TCF12: variants seen among roughly 807,000 people sequenced by gnomAD.
TCF12 encodes DNA-binding protein HTF4.
A neutral mutation model predicts 86.0 loss-of-function variants in TCF12; 45 were observed. The ratio of observed to expected loss-of-function variants is 0.52; its 90% CI spans 0.41 to 0.67. TCF12 has a LOEUF of 0.67. Ranked by LOEUF, TCF12 falls within the 30% of genes least tolerant of loss-of-function variation. The pLI is 0.00. For missense variants in TCF12, 881 were observed against 859.9 expected (o/e 1.02, Z -0.31); for synonymous variants, 330 against 299.6 (o/e 1.10, Z -1.05).
chr15:57,015,835 T>C (rs2065121789), intron 3 of TCF12, among the ~76,000 whole-genome samples: 1 of 152,222 alleles, frequency 6.6e-6, no homozygotes, highest in Non-Finnish European at 1.5e-5. Context: ...GTTCCAACCA[T>C]TGTAAACAAC....
chr15:57,148,378 A>T (rs1298166635), intron 5 of TCF12, among the ~76,000 whole-genome samples: 1 of 149,690 alleles, frequency 6.7e-6, no homozygotes, highest in Admixed American at 6.7e-5. Flanking sequence ...ACACCACTGC[A>T]CTCCAGCCTG....
chr15:57,201,403 C>T (rs994476664), intron 8 of TCF12, among the ~76,000 whole-genome samples: 2 of 152,008 alleles, frequency 1.3e-5, no homozygotes, highest in East Asian at 3.8e-4. Flanking sequence ...TGGAAAGATG[C>T]GTAGCAGCTC....
At chr15:57,098,036 C>A (rs888758604) in intron 5 of TCF12, among the ~76,000 whole-genome samples, 26 of 115,648 alleles carry the variant, frequency 2.2e-4, no homozygotes, top group Non-Finnish European at 3.9e-4. Context: ...AAAAAAAAAA[C>A]CAGTCAGGCA....
intron 3 of TCF12, among the ~76,000 whole-genome samples, chr15:56,956,821 T>C (rs1837219014): frequency 6.6e-6 from 1 of 152,220 alleles, no homozygotes; most frequent in African/African-American, 2.4e-5. Flanking sequence ...AATTACAGAT[T>C]TTGAGCAATT....
At chr15:56,926,262 G>A (rs1302866381) in intron 3 of TCF12, among the ~76,000 whole-genome samples, 3 of 151,208 alleles carry the variant, frequency 2.0e-5, no homozygotes, top group Non-Finnish European at 4.4e-5. Context: ...ACAGTGAGCC[G>A]AGATTGTGCC....
intron 3 of TCF12, among the ~76,000 whole-genome samples, chr15:57,047,730 A>T (rs187688601): frequency 2.6e-5 from 4 of 152,244 alleles, no homozygotes; most frequent in African/African-American, 9.6e-5. Flanking sequence ...ATAAATATAC[A>T]ATATCTCAAA....
chr15:57,187,618 G>T (rs1220692286), intron 6 of TCF12, among the ~76,000 whole-genome samples: 1 of 152,134 alleles, frequency 6.6e-6, no homozygotes, highest in Non-Finnish European at 1.5e-5. Context: ...CACAGGCTGT[G>T]GGTTGGACAA....
chr15:57,167,843 A>G (rs1438285054), intron 6 of TCF12, among the ~76,000 whole-genome samples: 2 of 152,002 alleles, frequency 1.3e-5, no homozygotes, highest in Middle Eastern at 3.2e-3. Context: ...TGATTGCTCT[A>G]TTTTCCGTTT....
intron 3 of TCF12, among the ~76,000 whole-genome samples, chr15:57,053,387 T>G (rs1392790419): frequency 6.6e-6 from 1 of 152,344 alleles, no homozygotes; most frequent in Non-Finnish European, 1.5e-5. Flanking sequence ...ATCAAAGTTA[T>G]GGTTTGCAAA....
intron 6 of TCF12, among the ~76,000 whole-genome samples, chr15:57,184,812 G>C (rs1227156394): frequency 3.3e-5 from 5 of 152,078 alleles, no homozygotes; most frequent in African/African-American, 1.2e-4. Context: ...ATCTATGGGA[G>C]ATTTAATGAT....
intron 8 of TCF12, 118 bp downstream of exon 8, chr15:57,197,943 G>A: frequency 3.1e-6 from 3 of 962,122 alleles, no homozygotes. Flanking sequence ...CATAGTAATT[G>A]TTCAGTGCTT....
rs775316048 is a variant in TCF12, at chr15:57,263,143, T to C, written c.1614T>C (p.Val538=). 5.6e-6 allele frequency: 9 copies of C among 1,612,054 alleles called. No individual in the cohort carries two copies. The highest frequency in any genetic ancestry group is 1.3e-5 in the African/African-American group (1 of 74,866). ...GGLQSQSGTV[V]TTEIKTENKE... The stretch of plus-strand genomic sequence containing the variant: ...TGCAAAGTCAGTCTGGAACTGTTGT[T>C]ACAACAGAAATCAAGACTGAAAACA... Residue 538 remains valine, a synonymous_variant, in exon 18 of 21, where the codon GTT becomes GTC. Coordinates refer to ENST00000333725, the MANE Select transcript of TCF12 (RefSeq NM_207037.2).
chr15:57,265,070 TAGTATAGTA>T (rs1205468511), intron 18 of TCF12, among the ~76,000 whole-genome samples: 3 of 4,964 alleles, frequency 6.0e-4, no homozygotes, highest in Non-Finnish European at 2.2e-3. Flanking sequence ...TAATGATAAA[TAGTATAGTA>T]TAGTATAGTA....
chr15:57,273,903 G>A (rs1343277331), intron 19 of TCF12, among the ~76,000 whole-genome samples: 1 of 152,132 alleles, frequency 6.6e-6, no homozygotes, highest in Non-Finnish European at 1.5e-5. Flanking sequence ...CAGTTTTGAA[G>A]AAACTTTGAA....
chr15:57,050,794 T>C (rs1282365451), intron 3 of TCF12, among the ~76,000 whole-genome samples: 1 of 152,210 alleles, frequency 6.6e-6, no homozygotes, highest in Admixed American at 6.5e-5. Flanking sequence ...TCCAGTCCAT[T>C]GTTAAGCTTA....
intron 13 of TCF12, chr15:57,248,012 G>C (rs1462331548): frequency 2.8e-6 from 2 of 711,538 alleles, no homozygotes; most frequent in Admixed American, 3.9e-5. Flanking sequence ...TGGTGGCAAC[G>C]GCTGCAGTTG....
intron 5 of TCF12, among the ~76,000 whole-genome samples, chr15:57,153,416 A>T (rs761465447): frequency 1.3e-5 from 2 of 152,218 alleles, no homozygotes; most frequent in Non-Finnish European, 2.9e-5. Flanking sequence ...AAAAACAGGA[A>T]GCAGGCCATG....
chr15:57,289,598 ACGT>A lies in TCF12; in HGVS notation c.*3457_*3459del, dbSNP rs1379114210. 2 of 133,592 alleles carry A rather than the reference ACGT, an allele frequency of 1.5e-5. No homozygotes were observed. The highest frequency in any genetic ancestry group is 7.0e-5 in the African/African-American group (2 of 28,524). The allele number at this position is 133,592 out of a possible 1,614,324, so 8.3% of individuals were successfully genotyped here. On this transcript the variant is annotated 3_prime_UTR_variant, in exon 21 of 21. Coordinates refer to ENST00000333725, the MANE Select transcript of TCF12 (RefSeq NM_207037.2). Reference sequence around the variant, plus strand: ...CCTTGGAAACTCAAAATTTAAACACACGTCGTGTGTGTGTGTGTGTGTGTGTCT... The same window carrying A: ...CCTTGGAAACTCAAAATTTAAACACACGTGTGTGTGTGTGTGTGTGTGTCT...
At chr15:57,147,984 A>G (rs1244660000) in intron 5 of TCF12, among the ~76,000 whole-genome samples, 2 of 151,196 alleles carry the variant, frequency 1.3e-5, no homozygotes, top group African/African-American at 4.9e-5. Context: ...GGACTCAACA[A>G]TCCTCTCACC....
Sources: allele counts gnomAD v4.1 joint callset (sites outside exome capture counted in the v4.1 genomes callset), GRCh38; gene constraint gnomAD v4.1.1; transcripts MANE v1.5; gene names NCBI Gene and HGNC (gene_info 2026-07-23, HGNC 2026-07-21).